The following VSTM5 variants were observed in gnomAD, a reference collection of about 807,000 sequenced individuals.
VSTM5 encodes the protein V-set and transmembrane domain containing 5.
In VSTM5, 21 loss-of-function variants were observed where a neutral mutation model predicts 20.3. The ratio of observed to expected loss-of-function variants is 1.03; its 90% CI spans 0.73 to 1.49. The LOEUF (loss-of-function observed/expected upper bound fraction) is 1.49, where lower values mean the gene tolerates loss of function less well. Among genes scored for constraint, VSTM5 ranks in the 40% most tolerant of loss-of-function variants. The probability of loss-of-function intolerance (pLI) is 0.00; values close to 1 mark genes in which losing one functional copy is unlikely to be tolerated. For synonymous variants in VSTM5, 100 were observed against 102.5 expected (o/e 0.98, Z 0.14); for missense variants, 219 against 250.0 (o/e 0.88, Z 0.84).
chr11:93,837,425 C>T (rs1368832489), intron 1 of VSTM5, among the ~76,000 whole-genome samples: 1 of 152,124 alleles, frequency 6.6e-6, no homozygotes, highest in Non-Finnish European at 1.5e-5. Context: ...CTCATGCACA[C>T]ACAGCCCAGT....
At position 93,819,926 on chromosome 11, in the gene VSTM5, A is replaced by T. The variant is rs1369461779; in HGVS notation, c.*643T>A. The T allele has an allele frequency of 6.5e-6, 1 of 152,676 alleles. No individual in the cohort carries two copies. Among genetic ancestry groups the T allele is most frequent in the Non-Finnish European group, 1.5e-5 (1 of 68,444 alleles). 9.5% of individuals were successfully genotyped at this position (152,676 alleles called of 1,614,324 possible). On this transcript the variant is annotated 3_prime_UTR_variant, in exon 4 of 4. Transcript: ENST00000409977. Reference sequence around the variant, plus strand: ...TCCAAAGCTGGCCTCTCAGGAGTCCATTGAGCTCCTCTCCCATAAAACTCC... The same window carrying T: ...TCCAAAGCTGGCCTCTCAGGAGTCCTTTGAGCTCCTCTCCCATAAAACTCC...
intron 1 of VSTM5, among the ~76,000 whole-genome samples, chr11:93,849,787 G>C (rs1944442810): frequency 6.6e-6 from 1 of 152,244 alleles, no homozygotes; most frequent in Admixed American, 6.5e-5. Flanking sequence ...CCAGGCTGGG[G>C]ATTCCGGGTC....
chr11:93,821,725 C>T, intron 1 of VSTM5: 1 of 188,894 alleles, frequency 5.3e-6, no homozygotes, highest in East Asian at 1.4e-4. Context: ...TATTCTTTAA[C>T]ACAGAACAAA....
chr11:93,819,174 G>A lies in VSTM5; in HGVS notation c.*1395C>T, dbSNP rs537643975. The A allele has an allele frequency of 1.3e-5, 2 of 152,266 alleles. No homozygotes were observed. The highest frequency in any genetic ancestry group is 3.8e-4 in the East Asian group (2 of 5,196). 9.4% of individuals were successfully genotyped at this position (152,266 alleles called of 1,614,324 possible). A position where few individuals can be genotyped will look rare whatever the true frequency, so the allele number is the denominator to read the frequency against. On this transcript the variant is annotated 3_prime_UTR_variant, in exon 4 of 4. Coordinates refer to ENST00000409977, the MANE Select transcript of VSTM5 (RefSeq NM_001144871.2). ...GGCCTGAAAGGAGGAAGAAGAGAAA[G>A]GAATGTTCTAAGACTTCTTAACCTT...
At chr11:93,821,403 T>C in intron 1 of VSTM5, 80 bp from the exon 2 acceptor site, 1 of 1,266,404 alleles carries the variant, frequency 7.9e-7, no homozygotes, top group Non-Finnish European at 1.1e-6. Flanking sequence ...GTTGATCTAT[T>C]ACACAAATAT....
chr11:93,820,491 G>T lies in VSTM5; in HGVS notation c.*78C>A. The T allele has an allele frequency of 6.8e-7, 1 of 1,479,234 alleles. No homozygotes were observed. Among genetic ancestry groups the T allele is most frequent in the Non-Finnish European group, 9.2e-7 (1 of 1,084,148 alleles). 91.6% of individuals were successfully genotyped at this position (1,479,234 alleles called of 1,614,324 possible). A position where few individuals can be genotyped will look rare whatever the true frequency, so the allele number is the denominator to read the frequency against. ...GCTGCAACAGGACCACACACAATGG[G>T]TATAATAGCTGTGCTTGCTCTTTTT... On this transcript the variant is annotated 3_prime_UTR_variant, in exon 4 of 4. Transcript: ENST00000409977.
chr11:93,824,549 G>A (rs1173241402), intron 1 of VSTM5, among the ~76,000 whole-genome samples: 1 of 152,148 alleles, frequency 6.6e-6, no homozygotes, highest in East Asian at 1.9e-4. Flanking sequence ...TGAGTTGTAT[G>A]AGTTTCATGT....
In VSTM5 at chr11:93,820,083, C is replaced by G. The variant is rs529144892; in HGVS notation, c.*486G>C. ...TCAGGTTTTCTCACAATAGCTCCCA[C>G]AGCAGTGCTTGCTTGTGGGATACCA... On this transcript the variant is annotated 3_prime_UTR_variant, in exon 4 of 4. Coordinates refer to ENST00000409977, the MANE Select transcript of VSTM5 (RefSeq NM_001144871.2). 173 of 175,820 alleles carry G rather than the reference C, an allele frequency of 9.8e-4. 1 individual carries two copies. The highest frequency in any genetic ancestry group is 2.4e-3 in the Admixed American group (42 of 17,656). The allele number at this position is 175,820 out of a possible 1,614,324, so 10.9% of individuals were successfully genotyped here.
In VSTM5 at chr11:93,818,278, T is replaced by C. The variant is rs911451600; in HGVS notation, c.*2291A>G. On this transcript the variant is annotated 3_prime_UTR_variant, in exon 4 of 4. Coordinates refer to ENST00000409977, the MANE Select transcript of VSTM5 (RefSeq NM_001144871.2). ...ATTCATTCTTTAAAACTTTTTTTTT[T>C]CACAGTTTGAAATATAATTTATAGC... 2.0e-4 allele frequency: 31 copies of C among 152,238 alleles called. No individual in the cohort carries two copies. The highest frequency in any genetic ancestry group is 3.2e-4 in the Non-Finnish European group (22 of 68,020). The allele number at this position is 152,238 out of a possible 1,614,324, so 9.4% of individuals were successfully genotyped here.
At chr11:93,828,297 G>A (rs531599602) in intron 1 of VSTM5, among the ~76,000 whole-genome samples, 18 of 152,254 alleles carry the variant, frequency 1.2e-4, no homozygotes, top group Non-Finnish European at 1.9e-4. Flanking sequence ...AGGGCTTCCC[G>A]ACTTCCTGGA....
intron 1 of VSTM5, among the ~76,000 whole-genome samples, chr11:93,837,742 G>A (rs1269919624): frequency 2.0e-5 from 3 of 152,074 alleles, no homozygotes; most frequent in South Asian, 2.1e-4. Context: ...TGGTAGGCAC[G>A]GGTATACCAG....
Position 93,820,731 on chromosome 11 carries a change from C to T in VSTM5, c.559+12G>A. ...AACCACTCATGGATTATCACAAGGC[C>T]CAGGGGGTTACCTTTGAGTTTGTGT... On this transcript the variant is annotated intron_variant, in intron 3 of 3. Coordinates refer to ENST00000409977, the MANE Select transcript of VSTM5 (RefSeq NM_001144871.2). 2 of 1,551,644 alleles carry T rather than the reference C, an allele frequency of 1.3e-6. No individual in the cohort carries two copies. The highest frequency in any genetic ancestry group is 8.7e-7 in the Non-Finnish European group (1 of 1,147,000).
intron 1 of VSTM5, among the ~76,000 whole-genome samples, chr11:93,836,684 T>C (rs1056545582): frequency 1.3e-5 from 2 of 152,198 alleles, no homozygotes; most frequent in African/African-American, 2.4e-5. Context: ...TTTTCCATCA[T>C]AGTAACTATC....
rs575624296 is a variant in VSTM5 at position 93,829,175 on chromosome 11, T to C, written c.92-7852A>G. Among the ~76,000 whole-genome samples the C allele has an allele frequency of 4.6e-5, 7 of 152,320 alleles. No homozygotes were observed. The South Asian group carries it at 1.2e-3, about 27-fold the overall frequency. ...CCAACTGCCCCAGTTTGTCCAGGACTGAGAGATTTCCCAGGATGTGGCAGT... is the reference window on the plus strand; with the variant it reads ...CCAACTGCCCCAGTTTGTCCAGGACCGAGAGATTTCCCAGGATGTGGCAGT... On this transcript the variant is annotated intron_variant, in intron 1 of 3. Coordinates refer to ENST00000409977, the MANE Select transcript of VSTM5 (RefSeq NM_001144871.2).
At position 93,835,624 on chromosome 11, in the gene VSTM5, A is replaced by G. The variant is rs74918192; in HGVS notation, c.92-14301T>C. On this transcript the variant is annotated intron_variant, in intron 1 of 3. Transcript: ENST00000409977. ...CATCTATGCATGCAGCTCTGAGTCC[A>G]GTTACTTCCAAATTCACATCACCAA... Among the ~76,000 whole-genome samples, 319 of 152,290 alleles carry G rather than the reference A, an allele frequency of 2.1e-3. 12 individuals are homozygous for G. In the East Asian group the frequency reaches 0.058, roughly 28 times the overall value.
intron 1 of VSTM5, among the ~76,000 whole-genome samples, chr11:93,826,488 C>T (rs1024530018): frequency 6.6e-6 from 1 of 151,946 alleles, no homozygotes; most frequent in East Asian, 2.0e-4. Context: ...AGCTCCACCT[C>T]CCGGGTTCGT....
chr11:93,821,381 C>T (rs764309000), intron 1 of VSTM5, 58 bp from the exon 2 acceptor site: 1 of 1,406,184 alleles, frequency 7.1e-7, no homozygotes, highest in Non-Finnish European at 9.6e-7. Context: ...CTGAAGTGAA[C>T]TTATATAATT....
chr11:93,834,373 A>C (rs1364233351), intron 1 of VSTM5, among the ~76,000 whole-genome samples: 2 of 151,996 alleles, frequency 1.3e-5, no homozygotes, highest in African/African-American at 4.8e-5. Flanking sequence ...GGCCCACCAC[A>C]CTCACCAGCT....
intron 1 of VSTM5, among the ~76,000 whole-genome samples, chr11:93,835,833 G>A (rs80170863): frequency 0.042 from 6,424 of 152,220 alleles, 435 homozygotes; most frequent in African/African-American, 0.15. Flanking sequence ...TGGCTCCAGG[G>A]GGTAAGGAGG....
Sources: gnomAD v4.1 joint callset for allele counts (sites outside exome capture counted in the v4.1 genomes callset) on GRCh38, gnomAD v4.1.1 for gene constraint, MANE v1.5 for transcripts, NCBI Gene and HGNC (gene_info 2026-07-23, HGNC 2026-07-21) for gene names.